The following VPS13B variants were observed in gnomAD, a reference collection of about 807,000 sequenced individuals.
VPS13B encodes intermembrane lipid transfer protein VPS13B.
In VPS13B, 285 loss-of-function variants were observed where a neutral mutation model predicts 426.4. The observed-to-expected ratio is 0.67, with a 90% CI of 0.61 to 0.74. The LOEUF (loss-of-function observed/expected upper bound fraction) is 0.74. Ranked by LOEUF, VPS13B falls within the 30% of genes least tolerant of loss-of-function variation. VPS13B has a pLI of 0.00. For missense variants in VPS13B, 4,537 were observed against 4,782.6 expected, an observed-to-expected ratio of 0.95 and a Z score of 1.51; for synonymous variants, 1,676 against 1,676.4, an observed-to-expected ratio of 1.00 and a Z score of 0.01.
chr8:99,621,820 C>CTTTTTTT (rs749078781), intron 33 of VPS13B, among the ~76,000 whole-genome samples: 38 of 83,234 alleles, frequency 4.6e-4, no homozygotes, highest in Non-Finnish European at 5.1e-4. Context: ...TGTTTTGTTT[C>CTTTTTTT]TTTTTTTTTT....
intron 19 of VPS13B, among the ~76,000 whole-genome samples, chr8:99,339,605 TCAGTTTTTTTTTTTTTC>T (rs1811125186): frequency 6.7e-6 from 1 of 149,662 alleles, no homozygotes; most frequent in South Asian, 2.1e-4. Context: ...CCAAACCACG[TCAGTTTTTTTTTTTTTC>T]CAGTTTTTTT....
intron 3 of VPS13B, among the ~76,000 whole-genome samples, chr8:99,052,550 T>C (rs1018198803): frequency 7.3e-6 from 1 of 136,942 alleles, no homozygotes; most frequent in Non-Finnish European, 1.6e-5. Flanking sequence ...CCTCATAAAA[T>C]GAGTTAGGGA....
intron 12 of VPS13B, among the ~76,000 whole-genome samples, chr8:99,139,305 A>G (rs1588079774): frequency 1.3e-5 from 2 of 152,252 alleles, no homozygotes; most frequent in Middle Eastern, 6.8e-3. Flanking sequence ...TCCCCATTTT[A>G]CAGATGAGGA....
chr8:99,655,964 T>G (rs911694956), intron 34 of VPS13B, among the ~76,000 whole-genome samples: 3 of 152,126 alleles, frequency 2.0e-5, no homozygotes, highest in Admixed American at 6.5e-5. Context: ...ATGAAGGGTT[T>G]TTTCTGAAGA....
chr8:99,602,401 C>G (rs1827349058), intron 33 of VPS13B, among the ~76,000 whole-genome samples: 1 of 152,078 alleles, frequency 6.6e-6, no homozygotes, highest in East Asian at 1.9e-4. Flanking sequence ...GTTACTGTAG[C>G]CTTGTAGTAC....
intron 13 of VPS13B, among the ~76,000 whole-genome samples, chr8:99,144,488 CAAAAAAAAA>C (rs34556724): frequency 1.1e-5 from 1 of 92,022 alleles, no homozygotes; most frequent in African/African-American, 4.0e-5. Flanking sequence ...GACCCTGTTT[CAAAAAAAAA>C]AAAAAAAAAG....
At chr8:99,338,366 A>G (rs1024220252) in intron 19 of VPS13B, among the ~76,000 whole-genome samples, 1 of 151,934 alleles carries the variant, frequency 6.6e-6, no homozygotes, top group African/African-American at 2.4e-5. Context: ...TCTTTTTCTC[A>G]TGAGGCTTTT....
At chr8:99,355,030 A>T (rs1812106000) in intron 19 of VPS13B, among the ~76,000 whole-genome samples, 1 of 152,204 alleles carries the variant, frequency 6.6e-6, no homozygotes, top group Non-Finnish European at 1.5e-5. Context: ...TTCTGTTAGA[A>T]CAGACCTTCT....
chr8:99,870,674 A>G, intron 59 of VPS13B, 111 bp from the exon 60 acceptor site: 1 of 944,228 alleles, frequency 1.1e-6, no homozygotes. Flanking sequence ...ATGTGACATC[A>G]TTTTGGATCT....
chr8:99,492,675 A>G (rs1298923697), intron 25 of VPS13B, among the ~76,000 whole-genome samples: 1 of 152,228 alleles, frequency 6.6e-6, no homozygotes, highest in Non-Finnish European at 1.5e-5. Flanking sequence ...CCATGGAGCC[A>G]GGCACAGGGT....
At chr8:99,702,889 G>A (rs1832341907) in intron 36 of VPS13B, among the ~76,000 whole-genome samples, 1 of 152,106 alleles carries the variant, frequency 6.6e-6, no homozygotes, top group Non-Finnish European at 1.5e-5. Context: ...AATGCTAGAG[G>A]AATCTTATGT....
intron 42 of VPS13B, 121 bp from the exon 43 acceptor site, chr8:99,784,194 A>G: frequency 8.2e-7 from 1 of 1,224,636 alleles, no homozygotes; most frequent in Non-Finnish European, 1.2e-6. Context: ...TGTATACCAG[A>G]GCTAATGACA....
At chr8:99,744,055 A>G (rs887924217) in intron 39 of VPS13B, among the ~76,000 whole-genome samples, 2 of 152,248 alleles carry the variant, frequency 1.3e-5, no homozygotes, top group African/African-American at 4.8e-5. Context: ...AAAATGGGAG[A>G]CAATTTTTGC....
intron 35 of VPS13B, among the ~76,000 whole-genome samples, chr8:99,674,580 T>C (rs1162509259): frequency 6.6e-6 from 1 of 152,076 alleles, no homozygotes; most frequent in Non-Finnish European, 1.5e-5. Context: ...TTCAAGGTAG[T>C]TATTGAAAGG....
chr8:99,590,225 CTCTTT>C (rs1268710151), intron 33 of VPS13B, among the ~76,000 whole-genome samples: 3 of 151,904 alleles, frequency 2.0e-5, no homozygotes, highest in African/African-American at 4.8e-5. Context: ...TGATTCTTCT[CTCTTT>C]TCTTTATTAG....
At chr8:99,095,795 T>C (rs1245343236) in intron 3 of VPS13B, among the ~76,000 whole-genome samples, 1 of 152,186 alleles carries the variant, frequency 6.6e-6, no homozygotes, top group Non-Finnish European at 1.5e-5. Flanking sequence ...AACTTATACC[T>C]AACATGAATG....
chr8:99,429,046 A>C (rs1038458259), intron 21 of VPS13B, among the ~76,000 whole-genome samples: 5 of 152,110 alleles, frequency 3.3e-5, no homozygotes, highest in African/African-American at 7.2e-5. Context: ...AACCAAACAC[A>C]GCATATTCTC....
intron 3 of VPS13B, among the ~76,000 whole-genome samples, chr8:99,044,851 TATAC>T (rs1843139274): frequency 2.4e-5 from 2 of 81,922 alleles, no homozygotes; most frequent in Non-Finnish European, 4.8e-5. Flanking sequence ...TATTCCATTT[TATAC>T]ACACACACAC....
intron 43 of VPS13B, among the ~76,000 whole-genome samples, chr8:99,801,657 A>G (rs114946569): frequency 1.3e-3 from 195 of 152,286 alleles, no homozygotes; most frequent in African/African-American, 4.4e-3. Flanking sequence ...CCCAAGCAGA[A>G]CACCTCAGAA....
Sources: allele counts gnomAD v4.1 joint callset (sites outside exome capture counted in the v4.1 genomes callset), GRCh38; gene constraint gnomAD v4.1.1; transcripts MANE v1.5; gene names NCBI Gene and HGNC (gene_info 2026-07-23, HGNC 2026-07-21).